The following RSF1 variants were observed in gnomAD, a reference collection of about 807,000 sequenced individuals.
The protein encoded by RSF1 is HBV pX-associated protein 8.
A neutral mutation model predicts 145.2 loss-of-function variants in RSF1; 13 were observed. The observed-to-expected ratio is 0.09, with a 90% confidence interval of 0.06 to 0.14. RSF1 has a LOEUF of 0.14. Ranked by LOEUF, RSF1 falls within the 10% of genes least tolerant of loss-of-function variation. The pLI, the probability that RSF1 is intolerant of heterozygous loss-of-function variation, is 1.00. For synonymous variants in RSF1, 577 were observed against 592.6 expected (o/e 0.97, Z 0.38); for missense variants, 1,517 against 1,718.2 (o/e 0.88, Z 2.07).
At position 77,701,572 on chromosome 11, in the gene RSF1, T is replaced by C; in HGVS notation, c.1657A>G (p.Lys553Glu). 1 of 1,614,080 alleles carries C rather than the reference T, an allele frequency of 6.2e-7. No homozygotes were observed. The highest frequency in any genetic ancestry group is 8.5e-7 in the Non-Finnish European group (1 of 1,180,004). The stretch of plus-strand genomic sequence containing the variant: ...GACTCGGTGGAAGATAAAGCAGTTT[T>C]TGAAGAGAGATCTTTTGCCATCTCA... ...SSEMAKDLSS[K>E]TALSSTESCT... is the part of the protein sequence containing the mutation. The change falls in exon 6 of 16, where the codon AAA becomes GAA. Residue 553 changes from lysine (K) to glutamate (E), a missense_variant. Physicochemically the swap from Lys to Glu is moderately conservative, Grantham distance 56. Coordinates refer to ENST00000308488, the MANE Select transcript of RSF1 (RefSeq NM_016578.4).
At position 77,725,562 on chromosome 11, in the gene RSF1, T is replaced by G; in HGVS notation, c.716A>C (p.Glu239Ala). 2 of 1,571,554 alleles carry G rather than the reference T, an allele frequency of 1.3e-6. No individual in the cohort carries two copies. The highest frequency in any genetic ancestry group is 2.7e-5 in the African/African-American group (2 of 73,476). ...SLEDEETKKE[E>A]ETPKQEEQKE... ...AAAAAAACCTTGTTTAGGTGTTTCT[T>G]CCTCTTTTTTAGTCTCCTCATCCTC... The change falls in exon 5 of 16, where the codon GAA (glutamate) becomes GCA (alanine). Residue 239 changes from glutamate to alanine, a missense_variant. This residue lies in a region of RSF1 where 207 missense variants were observed against 191.4 expected (regional missense o/e 1.08). Transcript: ENST00000308488.
chr11:77,741,955 GTTGC>G (rs1402348812), intron 3 of RSF1, among the ~76,000 whole-genome samples: 4 of 152,108 alleles, frequency 2.6e-5, no homozygotes, highest in African/African-American at 9.7e-5. Context: ...CTTTCAGTGC[GTTGC>G]TTATTTTACT....
intron 6 of RSF1, among the ~76,000 whole-genome samples, chr11:77,700,426 CA>C (rs1960390298): frequency 6.7e-6 from 1 of 149,786 alleles, no homozygotes; most frequent in African/African-American, 2.5e-5. Flanking sequence ...CAATTATCCC[CA>C]AACTGTTAAT....
At chr11:77,777,000 A>G (rs1258661307) in intron 1 of RSF1, among the ~76,000 whole-genome samples, 3 of 152,152 alleles carry the variant, frequency 2.0e-5, no homozygotes, top group Non-Finnish European at 4.4e-5. Context: ...TGGTGACACT[A>G]AACCATTTTT....
intron 1 of RSF1, among the ~76,000 whole-genome samples, chr11:77,812,025 A>G (rs1401316771): frequency 6.6e-6 from 1 of 152,114 alleles, no homozygotes; most frequent in Non-Finnish European, 1.5e-5. Flanking sequence ...AATACAAAAA[A>G]TTTTTAGCTG....
chr11:77,810,005 A>G (rs1354334277), intron 1 of RSF1, among the ~76,000 whole-genome samples: 1 of 152,250 alleles, frequency 6.6e-6, no homozygotes, highest in East Asian at 1.9e-4. Flanking sequence ...AAGCTTCATA[A>G]CCAGTACTGC....
intron 1 of RSF1, among the ~76,000 whole-genome samples, chr11:77,770,386 C>T (rs773554319): frequency 1.3e-5 from 2 of 152,166 alleles, no homozygotes; most frequent in Admixed American, 6.5e-5. Flanking sequence ...ACCTGGGAGG[C>T]GGAGGATGCA....
rs766199632 is a variant in RSF1 at position 77,698,585 on chromosome 11, C to A, written c.2617G>T (p.Ala873Ser). ...TCCTTTTCTTCCTCCTCTTCTGAAGCTGCAGATGATTTTTCACTGCCAGAC... is the reference window on the plus strand; with the variant it reads ...TCCTTTTCTTCCTCCTCTTCTGAAGATGCAGATGATTTTTCACTGCCAGAC... ...EGSGSEKSSAASEEEEEKESE... is the reference protein window; with the variant it reads ...EGSGSEKSSASSEEEEEKESE... The change falls in exon 7 of 16, where the codon GCT becomes TCT. Residue 873 changes from alanine (A) to serine (S), a missense_variant. Ala to Ser is a moderately conservative substitution (Grantham distance 99, BLOSUM62 1). Coordinates refer to ENST00000308488, the MANE Select transcript of RSF1 (RefSeq NM_016578.4). The A allele has an allele frequency of 1.9e-6, 3 of 1,614,134 alleles. No homozygotes were observed. The highest frequency in any genetic ancestry group is 2.5e-6 in the Non-Finnish European group (3 of 1,180,020).
chr11:77,717,181 C>CAAA (rs55686322), intron 5 of RSF1, among the ~76,000 whole-genome samples: 1 of 129,198 alleles, frequency 7.7e-6, no homozygotes, highest in African/African-American at 2.9e-5. Flanking sequence ...AACCAAAAAC[C>CAAA]AAAAAAAAAA....
intron 3 of RSF1, among the ~76,000 whole-genome samples, chr11:77,743,577 A>G (rs1947965575): frequency 6.6e-6 from 1 of 152,164 alleles, no homozygotes; most frequent in African/African-American, 2.4e-5. Context: ...TATATCTCGC[A>G]ATTTTACTGA....
At chr11:77,722,833 T>A (rs180843533) in intron 5 of RSF1, among the ~76,000 whole-genome samples, 33 of 152,344 alleles carry the variant, frequency 2.2e-4, no homozygotes, top group African/African-American at 7.5e-4. Context: ...CAAAGAAATT[T>A]CAGCATTAAC....
intron 7 of RSF1, among the ~76,000 whole-genome samples, chr11:77,697,034 A>G (rs1960293218): frequency 6.6e-6 from 1 of 152,212 alleles, no homozygotes; most frequent in Non-Finnish European, 1.5e-5. Flanking sequence ...GCAACTTTAC[A>G]TGAGCTGTTA....
At chr11:77,760,193 G>A (rs1306671627) in intron 2 of RSF1, among the ~76,000 whole-genome samples, 1 of 152,146 alleles carries the variant, frequency 6.6e-6, no homozygotes, top group Non-Finnish European at 1.5e-5. Context: ...TCCATCAACT[G>A]ATGATGGATA....
At chr11:77,809,488 T>A (rs1270685224) in intron 1 of RSF1, among the ~76,000 whole-genome samples, 1 of 152,196 alleles carries the variant, frequency 6.6e-6, no homozygotes. Flanking sequence ...ATAGTTATCA[T>A]GGTGAATACA....
At chr11:77,854,044 G>A in the RSF1 span, among the ~76,000 whole-genome samples, 4 of 146,012 alleles carry the variant, frequency 2.7e-5, no homozygotes, top group Admixed American at 2.7e-4. Context: ...AGGCTGGAGT[G>A]CAGTGGTGCC....
At chr11:77,835,819 G>T in the RSF1 span, among the ~76,000 whole-genome samples, 1 of 152,098 alleles carries the variant, frequency 6.6e-6, no homozygotes, top group Non-Finnish European at 1.5e-5. Context: ...TACAAGGGTG[G>T]CTGAGGCACA....
intron 1 of RSF1, chr11:77,813,696 G>T: frequency 4.3e-6 from 2 of 467,214 alleles, no homozygotes; most frequent in South Asian, 3.8e-5. Context: ...ACGGCTTCCT[G>T]ACCGACTTGT....
At chr11:77,696,684 C>CT (rs1390207239) in intron 7 of RSF1, among the ~76,000 whole-genome samples, 5 of 151,972 alleles carry the variant, frequency 3.3e-5, no homozygotes, top group African/African-American at 1.2e-4. Context: ...ACAAGTGATG[C>CT]TTTTTTTTCT....
At chr11:77,826,985 G>A in the RSF1 span, among the ~76,000 whole-genome samples, 2 of 151,964 alleles carry the variant, frequency 1.3e-5, no homozygotes, top group Admixed American at 6.5e-5. Context: ...CACACCCGTC[G>A]TCCCTGCTAC....
Sources: allele counts gnomAD v4.1 joint callset (sites outside exome capture counted in the v4.1 genomes callset), GRCh38; gene constraint gnomAD v4.1.1; regional missense constraint gnomAD v4.1.1; transcripts MANE v1.5; gene names NCBI Gene and HGNC (gene_info 2026-07-23, HGNC 2026-07-21).